Variants in TANGO6 observed in about 807,000 individuals in gnomAD.
The protein encoded by TANGO6 is transport and golgi organization 6 homolog, also known as transport and Golgi organization protein 6 homolog.
TANGO6 carries 90 observed loss-of-function variants against 114.2 expected under a neutral mutation model. The observed-to-expected ratio is 0.79, with a 90% CI of 0.66 to 0.94. The LOEUF is 0.94. Among genes scored for constraint, TANGO6 ranks in the 40% least tolerant of loss-of-function variants. The pLI, the probability that TANGO6 is intolerant of heterozygous loss-of-function variation, is 0.00. For missense variants in TANGO6, 1,274 were observed against 1,315.3 expected (o/e 0.97, Z 0.49); for synonymous variants, 477 against 509.8 (o/e 0.94, Z 0.87).
At chr16:68,948,905 G>A (rs1963443142) in intron 14 of TANGO6, among the ~76,000 whole-genome samples, 1 of 152,228 alleles carries the variant, frequency 6.6e-6, no homozygotes. Context: ...AATCCTGGGT[G>A]GCTGGGTGCG....
At chr16:69,064,419 T>C (rs1960184481) in intron 17 of TANGO6, among the ~76,000 whole-genome samples, 1 of 152,118 alleles carries the variant, frequency 6.6e-6, no homozygotes, top group Non-Finnish European at 1.5e-5. Flanking sequence ...CCTGAGGTGA[T>C]TCAGAGTGCC....
intron 15 of TANGO6, among the ~76,000 whole-genome samples, chr16:68,983,901 C>T (rs1046457745): frequency 3.3e-5 from 5 of 151,886 alleles, no homozygotes; most frequent in East Asian, 1.9e-4. Flanking sequence ...GTCGTGTTGG[C>T]GGGTGCCTGT....
intron 16 of TANGO6, among the ~76,000 whole-genome samples, chr16:69,027,614 T>C (rs750482793): frequency 1.1e-4 from 17 of 152,134 alleles, no homozygotes; most frequent in Middle Eastern, 3.2e-3. Context: ...TATTTGGTTA[T>C]ATTGTCTGAA....
intron 8 of TANGO6, among the ~76,000 whole-genome samples, chr16:68,901,374 G>T (rs1046027670): frequency 2.0e-5 from 3 of 152,184 alleles, no homozygotes; most frequent in Non-Finnish European, 4.4e-5. Flanking sequence ...TTCAGCTTGA[G>T]TCAGCACATC....
intron 17 of TANGO6, among the ~76,000 whole-genome samples, chr16:69,081,231 C>G (rs887019226): frequency 1.3e-5 from 2 of 152,026 alleles, no homozygotes; most frequent in African/African-American, 4.8e-5. Context: ...GTACCTGACC[C>G]AAAAAGTAGT....
chr16:68,980,937 T>G (rs1214667023), intron 15 of TANGO6, among the ~76,000 whole-genome samples: 2 of 151,602 alleles, frequency 1.3e-5, no homozygotes, highest in African/African-American at 4.8e-5. Context: ...GAGGTTGCAA[T>G]GAGCCGAGAT....
At chr16:69,014,177 C>T (rs1418876867) in intron 15 of TANGO6, among the ~76,000 whole-genome samples, 1 of 152,150 alleles carries the variant, frequency 6.6e-6, no homozygotes, top group East Asian at 1.9e-4. Flanking sequence ...TGCTAATTCT[C>T]TAGCTCAGTG....
In TANGO6 at chr16:68,860,542, A is replaced by G. The variant is rs1567525653; in HGVS notation, c.735+18A>G. On this transcript the variant is annotated intron_variant, in intron 2 of 17. Transcript: ENST00000261778. ...CAGAAGAGGTAAATATACATTGAGA[A>G]AGAGAGAGGGAGAGATTGTGTGTGT... is the stretch of plus-strand genomic sequence containing the variant. 6.2e-7 allele frequency: 1 copy of G among 1,606,018 alleles called. No individual in the cohort carries two copies. The highest frequency in any genetic ancestry group is 1.1e-5 in the South Asian group (1 of 90,926).
chr16:69,025,311 T>C (rs1959482175), intron 16 of TANGO6, among the ~76,000 whole-genome samples: 1 of 152,180 alleles, frequency 6.6e-6, no homozygotes, highest in Non-Finnish European at 1.5e-5. Context: ...GAAACGGCTC[T>C]CAGCAGAGAA....
intron 1 of TANGO6, among the ~76,000 whole-genome samples, chr16:68,854,255 A>G (rs1961950132): frequency 6.6e-6 from 1 of 152,154 alleles, no homozygotes; most frequent in African/African-American, 2.4e-5. Flanking sequence ...GGAGTTCAAG[A>G]CCAGCCTGGG....
At chr16:69,036,272 A>G (rs1348199463) in intron 16 of TANGO6, among the ~76,000 whole-genome samples, 1 of 152,140 alleles carries the variant, frequency 6.6e-6, no homozygotes, top group East Asian at 1.9e-4. Context: ...AGTGTTGGAC[A>G]AGGGGTCTGT....
intron 7 of TANGO6, among the ~76,000 whole-genome samples, chr16:68,891,817 C>G (rs75729083): frequency 0.03 from 3,445 of 114,230 alleles, 92 homozygotes; most frequent in African/African-American, 0.085. Context: ...AAGGGAAGGA[C>G]GGAGGGGAGG....
chr16:68,949,901 C>T lies in TANGO6; in HGVS notation c.2701+19606C>T, dbSNP rs1290097412. Among the ~76,000 whole-genome samples the T allele has an allele frequency of 3.9e-5, 6 of 151,906 alleles. No homozygotes were observed. In the East Asian group the frequency reaches 5.8e-4, roughly 15 times the overall value. On this transcript the variant is annotated intron_variant, in intron 14 of 17. Transcript: ENST00000261778. The stretch of plus-strand genomic sequence containing the variant: ...AAACAACATACATATTAATATCTAC[C>T]GCCTGATGAATGGATTCATAACATC...
At chr16:68,946,592 C>T (rs1963417078) in intron 14 of TANGO6, among the ~76,000 whole-genome samples, 1 of 152,110 alleles carries the variant, frequency 6.6e-6, no homozygotes, top group South Asian at 2.1e-4. Context: ...AGGCTTACTA[C>T]AGCCTTGGCC....
At chr16:69,077,467 C>CT (rs34235621) in intron 17 of TANGO6, among the ~76,000 whole-genome samples, 3 of 151,888 alleles carry the variant, frequency 2.0e-5, no homozygotes, top group Non-Finnish European at 2.9e-5. Flanking sequence ...TTCACTCATA[C>CT]TTTTTTTTAG....
At chr16:69,048,258 A>ATTTTTTT (rs71383949) in intron 17 of TANGO6, among the ~76,000 whole-genome samples, 42 of 111,626 alleles carry the variant, frequency 3.8e-4, no homozygotes, top group African/African-American at 7.0e-4. Flanking sequence ...AATTTTTTGT[A>ATTTTTTT]TTTTTTTTTT....
At chr16:68,956,622 G>T (rs1963532234) in intron 14 of TANGO6, among the ~76,000 whole-genome samples, 1 of 152,106 alleles carries the variant, frequency 6.6e-6, no homozygotes, top group Non-Finnish European at 1.5e-5. Flanking sequence ...GGAGGCCGAG[G>T]CAGTTGGATC....
chr16:69,019,110 G>C (rs184730330), intron 15 of TANGO6, among the ~76,000 whole-genome samples: 7 of 152,044 alleles, frequency 4.6e-5, no homozygotes, highest in Non-Finnish European at 7.4e-5. Context: ...ATAGTAATCC[G>C]TAATATGGGT....
At chr16:68,988,489 A>G (rs1963917256) in intron 15 of TANGO6, among the ~76,000 whole-genome samples, 1 of 152,158 alleles carries the variant, frequency 6.6e-6, no homozygotes. Flanking sequence ...AGTGCTACTC[A>G]AGACATTAAC....
Sources: gnomAD v4.1 joint callset for allele counts (sites outside exome capture counted in the v4.1 genomes callset) on GRCh38, gnomAD v4.1.1 for gene constraint, MANE v1.5 for transcripts, NCBI Gene and HGNC (gene_info 2026-07-23, HGNC 2026-07-21) for gene names.